KIAA1328: variants seen among roughly 807,000 people sequenced by gnomAD.
KIAA1328 encodes KIAA1328.
Under a neutral mutation model 68.1 loss-of-function variants are expected in KIAA1328, and 52 were observed. The observed-to-expected ratio is 0.76, with a 90% CI of 0.61 to 0.96. The LOEUF is 0.96. Ranked by LOEUF, KIAA1328 falls within the 40% of genes least tolerant of loss-of-function variation. KIAA1328 has a pLI of 0.00. For synonymous variants in KIAA1328, 232 were observed against 239.4 expected (o/e 0.97, Z 0.28); for missense variants, 641 against 677.6 (o/e 0.95, Z 0.60).
At chr18:37,204,762 CAAA>C (rs33939558) in intron 9 of KIAA1328, among the ~76,000 whole-genome samples, 80 of 103,384 alleles carry the variant, frequency 7.7e-4, no homozygotes, top group African/African-American at 1.9e-3. Context: ...GAGTTTCAGT[CAAA>C]AAAAAAAAAA....
intron 6 of KIAA1328, among the ~76,000 whole-genome samples, chr18:36,972,190 T>G (rs924764223): frequency 6.6e-6 from 1 of 152,196 alleles, no homozygotes; most frequent in Admixed American, 6.5e-5. Flanking sequence ...TCTTTTCAAC[T>G]AATGATGATG....
chr18:37,096,921 G>T (rs1484939218), intron 7 of KIAA1328, among the ~76,000 whole-genome samples: 1 of 152,114 alleles, frequency 6.6e-6, no homozygotes, highest in Non-Finnish European at 1.5e-5. Flanking sequence ...TGTTGGGGCC[G>T]TTTGTTTTTT....
chr18:37,199,643 T>G (rs2060070208), intron 9 of KIAA1328, among the ~76,000 whole-genome samples: 1 of 152,218 alleles, frequency 6.6e-6, no homozygotes. Flanking sequence ...ATGATATTTC[T>G]GTTTCTAGGT....
intron 7 of KIAA1328, among the ~76,000 whole-genome samples, chr18:37,152,569 G>A (rs938723466): frequency 6.6e-6 from 1 of 152,012 alleles, no homozygotes; most frequent in African/African-American, 2.4e-5. Context: ...ACAATCCTTC[G>A]TTTTGTTGGG....
At chr18:36,857,306 G>A (rs1239240514) in intron 4 of KIAA1328, among the ~76,000 whole-genome samples, 1 of 152,096 alleles carries the variant, frequency 6.6e-6, no homozygotes, top group Non-Finnish European at 1.5e-5. Flanking sequence ...TGTCCCACCT[G>A]CTGTCTCTTT....
At chr18:37,077,017 C>T (rs563288516) in intron 7 of KIAA1328, among the ~76,000 whole-genome samples, 3 of 152,078 alleles carry the variant, frequency 2.0e-5, no homozygotes, top group African/African-American at 7.3e-5. Flanking sequence ...CAAAGCCAGG[C>T]AGAGACACAA....
chr18:37,010,839 T>G (rs796891222), intron 6 of KIAA1328, among the ~76,000 whole-genome samples: 7 of 152,260 alleles, frequency 4.6e-5, no homozygotes, highest in African/African-American at 1.7e-4. Context: ...GTTTGTCTGA[T>G]TTAAGAGGAT....
intron 4 of KIAA1328, among the ~76,000 whole-genome samples, chr18:36,870,157 C>T (rs546488976): frequency 7.9e-5 from 12 of 152,158 alleles, no homozygotes; most frequent in Middle Eastern, 3.4e-3. Context: ...CCCCTGTGCC[C>T]GGCCTGAAAG....
intron 5 of KIAA1328, among the ~76,000 whole-genome samples, chr18:36,937,462 C>T (rs1052189567): frequency 2.0e-4 from 31 of 151,964 alleles, no homozygotes; most frequent in African/African-American, 6.0e-4. Flanking sequence ...TCTACCCATC[C>T]GACAAAGGTC....
chr18:37,190,017 C>T (rs1237112561), intron 9 of KIAA1328, among the ~76,000 whole-genome samples: 2 of 151,590 alleles, frequency 1.3e-5, no homozygotes, highest in African/African-American at 4.9e-5. Context: ...TAAAGTTTTC[C>T]TAAGTTGTGA....
intron 5 of KIAA1328, among the ~76,000 whole-genome samples, chr18:36,933,261 G>T (rs2050377861): frequency 1.3e-5 from 2 of 152,056 alleles, no homozygotes; most frequent in South Asian, 4.1e-4. Context: ...TGTGGCTTTT[G>T]TATTTCCATG....
chr18:36,919,809 C>T (rs2049848125), intron 5 of KIAA1328, among the ~76,000 whole-genome samples: 1 of 152,086 alleles, frequency 6.6e-6, no homozygotes, highest in Non-Finnish European at 1.5e-5. Flanking sequence ...TTGCATTTCT[C>T]TAATGATTAG....
intron 6 of KIAA1328, among the ~76,000 whole-genome samples, chr18:37,005,803 C>G (rs1373703016): frequency 6.6e-6 from 1 of 151,976 alleles, no homozygotes; most frequent in Non-Finnish European, 1.5e-5. Context: ...TTTCCAGCAA[C>G]ATGGATGGAA....
At chr18:37,116,861 G>T (rs1473876449) in intron 7 of KIAA1328, among the ~76,000 whole-genome samples, 2 of 152,196 alleles carry the variant, frequency 1.3e-5, no homozygotes, top group Non-Finnish European at 2.9e-5. Context: ...GATATGAACA[G>T]ACACTTCTCA....
Position 36,880,421 on chromosome 18 carries a change from C to T in KIAA1328, c.333-5136C>T, listed in dbSNP as rs375827719. ...AAATGCAGAAATCCCCCACCTTCTG[C>T]GTTGGTCTCACTGGAGCTGCAGACC... On this transcript the variant is annotated intron_variant, in intron 4 of 9. Coordinates refer to ENST00000280020, the MANE Select transcript of KIAA1328 (RefSeq NM_020776.3). Among the ~76,000 whole-genome samples the T allele has an allele frequency of 3.2e-4, 49 of 152,292 alleles. 1 individual carries two copies. Among genetic ancestry groups the T allele is most frequent in the Admixed American group, 3.1e-3 (48 of 15,304 alleles).
At chr18:36,859,582 A>G (rs1035514014) in intron 4 of KIAA1328, among the ~76,000 whole-genome samples, 1 of 116,782 alleles carries the variant, frequency 8.6e-6, no homozygotes, top group African/African-American at 3.4e-5. Context: ...CCTCTCTCTC[A>G]TTCTCTCACT....
chr18:37,182,250 A>G (rs545438585), intron 9 of KIAA1328, among the ~76,000 whole-genome samples: 1 of 152,246 alleles, frequency 6.6e-6, no homozygotes, highest in Non-Finnish European at 1.5e-5. Flanking sequence ...AGGCACTTTA[A>G]TGCTTTTATA....
intron 6 of KIAA1328, among the ~76,000 whole-genome samples, chr18:37,055,028 G>T (rs939733968): frequency 6.6e-6 from 1 of 152,058 alleles, no homozygotes; most frequent in African/African-American, 2.4e-5. Context: ...CTCAGATTCA[G>T]TATTCCTAAA....
intron 6 of KIAA1328, among the ~76,000 whole-genome samples, chr18:37,003,724 T>C (rs1220584117): frequency 6.6e-6 from 1 of 152,130 alleles, no homozygotes; most frequent in Non-Finnish European, 1.5e-5. Flanking sequence ...TTTCAGATCT[T>C]ATATTTAAGT....
Sources: allele counts gnomAD v4.1 joint callset (sites outside exome capture counted in the v4.1 genomes callset), GRCh38; gene constraint gnomAD v4.1.1; transcripts MANE v1.5; gene names NCBI Gene and HGNC (gene_info 2026-07-23, HGNC 2026-07-21).